PPM1H: variants seen among roughly 807,000 people sequenced by gnomAD.
The protein encoded by PPM1H is protein phosphatase, Mg2+/Mn2+ dependent 1H.
Under a neutral mutation model 54.9 loss-of-function variants are expected in PPM1H, and 27 were observed. The ratio of observed to expected loss-of-function variants is 0.49; its 90% CI spans 0.36 to 0.68. PPM1H has a LOEUF of 0.68. Ranked by LOEUF, PPM1H falls within the 30% of genes least tolerant of loss-of-function variation. The pLI is 0.00. For missense variants in PPM1H, 596 were observed against 667.8 expected, an observed-to-expected ratio of 0.89 and a Z score of 1.19; for synonymous variants, 305 against 270.8, an observed-to-expected ratio of 1.13 and a Z score of -1.24.
chr12:62,744,067 G>A (rs773601278), intron 4 of PPM1H, among the ~76,000 whole-genome samples: 3 of 151,174 alleles, frequency 2.0e-5, no homozygotes, highest in African/African-American at 4.9e-5. Flanking sequence ...GACTTTTGAC[G>A]TTATTCATTG....
intron 2 of PPM1H, among the ~76,000 whole-genome samples, chr12:62,808,973 T>A (rs1445738952): frequency 1.3e-5 from 2 of 152,206 alleles, no homozygotes; most frequent in Non-Finnish European, 2.9e-5. Context: ...CAGAGAGGGC[T>A]ACATGTGTTT....
intron 8 of PPM1H, among the ~76,000 whole-genome samples, chr12:62,680,269 C>A (rs2076012210): frequency 6.7e-6 from 1 of 148,778 alleles, no homozygotes; most frequent in African/African-American, 2.5e-5. Flanking sequence ...CTTTCCCCCT[C>A]CCCTCCCTCC....
chr12:62,686,294 G>A (rs570885393), intron 8 of PPM1H, among the ~76,000 whole-genome samples: 8 of 152,346 alleles, frequency 5.3e-5, no homozygotes, highest in Non-Finnish European at 8.8e-5. Context: ...AAGTGGAGCT[G>A]CTGCTTCTCA....
At chr12:62,792,305 G>A (rs2076705359) in intron 3 of PPM1H, among the ~76,000 whole-genome samples, 1 of 152,166 alleles carries the variant, frequency 6.6e-6, no homozygotes, top group Non-Finnish European at 1.5e-5. Flanking sequence ...TATTAATAGT[G>A]TGACTCAATA....
chr12:62,739,689 G>A (rs952831654), intron 4 of PPM1H, among the ~76,000 whole-genome samples: 10 of 152,300 alleles, frequency 6.6e-5, no homozygotes, highest in Admixed American at 4.6e-4. Context: ...GCCTGGTAAC[G>A]CCAAAGGCTT....
At chr12:62,689,914 T>C in intron 7 of PPM1H, 108 bp from the exon 8 acceptor site, 2 of 686,732 alleles carry the variant, frequency 2.9e-6, no homozygotes. Context: ...CAGTTCCTCC[T>C]GCCCAGATAT....
intron 4 of PPM1H, among the ~76,000 whole-genome samples, chr12:62,743,730 TA>T (rs1230006028): frequency 1.3e-5 from 2 of 151,572 alleles, no homozygotes; most frequent in African/African-American, 4.9e-5. Flanking sequence ...AAAAAGCTGA[TA>T]AAAAATATGA....
Position 62,903,959 on chromosome 12 carries a change from G to A in PPM1H, c.245+30533C>T, listed in dbSNP as rs11174716. Among the ~76,000 whole-genome samples, 45 of 152,118 alleles carry A rather than the reference G, an allele frequency of 3.0e-4. No individual in the cohort carries two copies. The East Asian group carries it at 5.8e-3, about 20-fold the overall frequency. The stretch of plus-strand genomic sequence containing the variant: ...CTGAAAGGGTCGATTTATTTTTTTA[G>A]AGTCACCCTGTAATAGCAAATCTTA... On this transcript the variant is annotated intron_variant, in intron 1 of 9. Transcript: ENST00000228705.
intron 6 of PPM1H, among the ~76,000 whole-genome samples, chr12:62,701,095 C>T (rs144844475): frequency 1.3e-5 from 2 of 152,286 alleles, no homozygotes; most frequent in East Asian, 3.9e-4. Flanking sequence ...ATAATGGGTA[C>T]CCAATAAATA....
At chr12:62,829,247 A>C (rs1042698189) in intron 2 of PPM1H, among the ~76,000 whole-genome samples, 2 of 152,230 alleles carry the variant, frequency 1.3e-5, no homozygotes, top group Non-Finnish European at 2.9e-5. Context: ...GCTAAGTGAA[A>C]TAAGCCAGGC....
intron 1 of PPM1H, among the ~76,000 whole-genome samples, chr12:62,903,746 G>T (rs914406289): frequency 2.0e-5 from 3 of 151,994 alleles, no homozygotes; most frequent in African/African-American, 7.3e-5. Flanking sequence ...GAGTGGGGTG[G>T]GGGTCTAAAA....
chr12:62,695,822 G>T (rs1289221300), intron 6 of PPM1H, among the ~76,000 whole-genome samples: 1 of 152,124 alleles, frequency 6.6e-6, no homozygotes. Flanking sequence ...ATGGCTCAAG[G>T]GAGAGGAGGA....
intron 6 of PPM1H, among the ~76,000 whole-genome samples, chr12:62,714,606 A>C (rs1207214077): frequency 6.6e-6 from 1 of 152,114 alleles, no homozygotes; most frequent in African/African-American, 2.4e-5. Context: ...GGTCAGAGGA[A>C]GTATTTACGA....
intron 6 of PPM1H, among the ~76,000 whole-genome samples, chr12:62,711,906 C>G (rs2076209278): frequency 6.6e-6 from 1 of 152,116 alleles, no homozygotes; most frequent in African/African-American, 2.4e-5. Context: ...TTCGTAAAGA[C>G]CCCATAGCTT....
At chr12:62,846,084 C>T (rs562288117) in intron 1 of PPM1H, among the ~76,000 whole-genome samples, 5 of 152,322 alleles carry the variant, frequency 3.3e-5, no homozygotes, top group South Asian at 2.1e-4. Context: ...CCTAACCTGT[C>T]GTCTCTTCTT....
At chr12:62,843,191 G>A (rs557937573) in intron 1 of PPM1H, among the ~76,000 whole-genome samples, 7 of 151,932 alleles carry the variant, frequency 4.6e-5, no homozygotes, top group Non-Finnish European at 1.0e-4. Context: ...TGGTGCGTGC[G>A]TATAGTCCCA....
chr12:62,825,879 T>C (rs529026713), intron 2 of PPM1H, among the ~76,000 whole-genome samples: 214 of 140,538 alleles, frequency 1.5e-3, no homozygotes, highest in Non-Finnish European at 2.8e-3. Flanking sequence ...ACTTAAAGTA[T>C]AATAAAAAAA....
chr12:62,730,339 T>C (rs1454650649), intron 5 of PPM1H, among the ~76,000 whole-genome samples: 1 of 152,226 alleles, frequency 6.6e-6, no homozygotes, highest in Non-Finnish European at 1.5e-5. Flanking sequence ...GCATTTCTGT[T>C]AGGTACACAC....
At chr12:62,648,904 A>T (rs1211061836) in intron 9 of PPM1H, among the ~76,000 whole-genome samples, 1 of 152,128 alleles carries the variant, frequency 6.6e-6, no homozygotes, top group Non-Finnish European at 1.5e-5. Flanking sequence ...GATGTTTTTG[A>T]TTGATTACAT....
Sources: gnomAD v4.1 joint callset for allele counts (sites outside exome capture counted in the v4.1 genomes callset) on GRCh38, gnomAD v4.1.1 for gene constraint, MANE v1.5 for transcripts, NCBI Gene and HGNC (gene_info 2026-07-23, HGNC 2026-07-21) for gene names.